The following ITPR2 variants were observed in gnomAD, a reference collection of about 807,000 sequenced individuals.
ITPR2 encodes the protein inositol 1,4,5-trisphosphate receptor type 2.
ITPR2 carries 207 observed loss-of-function variants against 317.1 expected under a neutral mutation model. The ratio of observed to expected loss-of-function variants is 0.65; its 90% confidence interval spans 0.58 to 0.73. The LOEUF is 0.73. Ranked by LOEUF, ITPR2 falls within the 30% of genes least tolerant of loss-of-function variation. The pLI, the probability that ITPR2 is intolerant of heterozygous loss-of-function variation, is 0.00. For missense variants in ITPR2, 2,613 were observed against 3,284.0 expected (o/e 0.80, Z 4.99); for synonymous variants, 1,156 against 1,149.1 (o/e 1.01, Z -0.12).
chr12:26,372,959 G>A (rs189982463), intron 55 of ITPR2, among the ~76,000 whole-genome samples: 13 of 152,184 alleles, frequency 8.5e-5, no homozygotes, highest in African/African-American at 2.4e-4. Context: ...CCATGTCTTC[G>A]AAGAAAATTC....
In ITPR2 at chr12:26,628,049, G is replaced by A; in HGVS notation, c.3048C>T (p.Asp1016=). The change falls in exon 23 of 57, where the codon GAC becomes GAT. Residue 1016 remains aspartate, a synonymous_variant. Transcript: ENST00000381340. ...AAAAGATACCTGATGGTAGTAAAGT[G>A]TCTGGAGATCCACTGGCAGATGTCT... ...NAETSASGSP[D]TLLPSAIVPD... 6.2e-7 allele frequency: 1 copy of A among 1,611,614 alleles called. No homozygotes were observed. Among genetic ancestry groups the A allele is most frequent in the Non-Finnish European group, 8.5e-7 (1 of 1,179,318 alleles).
At chr12:26,527,755 A>G (rs542889096) in intron 37 of ITPR2, among the ~76,000 whole-genome samples, 1 of 152,346 alleles carries the variant, frequency 6.6e-6, no homozygotes, top group African/African-American at 2.4e-5. Context: ...GGAGTCCTAC[A>G]ATATCTCCCA....
intron 55 of ITPR2, among the ~76,000 whole-genome samples, chr12:26,378,268 G>A (rs1939403888): frequency 6.6e-6 from 1 of 152,032 alleles, no homozygotes. Context: ...TGTCAGGGAA[G>A]GCACAGACAT....
intron 37 of ITPR2, among the ~76,000 whole-genome samples, chr12:26,496,976 C>T (rs1410896378): frequency 6.6e-6 from 1 of 151,256 alleles, no homozygotes; most frequent in East Asian, 2.0e-4. Flanking sequence ...CACCCATTTT[C>T]ATCATTTAAG....
At chr12:26,657,560 A>G in intron 18 of ITPR2, 147 bp downstream of exon 18, 1 of 628,172 alleles carries the variant, frequency 1.6e-6, no homozygotes, top group East Asian at 2.6e-5. Flanking sequence ...AATATTTTAA[A>G]CAATACTAAA....
intron 45 of ITPR2, among the ~76,000 whole-genome samples, chr12:26,458,910 T>A (rs1039595706): frequency 6.6e-6 from 1 of 152,206 alleles, no homozygotes; most frequent in African/African-American, 2.4e-5. Context: ...CCGACCCCAC[T>A]GACATTTAAT....
chr12:26,528,427 G>A (rs370020073), intron 37 of ITPR2, among the ~76,000 whole-genome samples: 24 of 152,296 alleles, frequency 1.6e-4, no homozygotes, highest in Middle Eastern at 3.4e-3. Context: ...ATCCTATCAT[G>A]TCCTCTTCCA....
At chr12:26,744,337 G>A (rs1949284475) in intron 2 of ITPR2, among the ~76,000 whole-genome samples, 1 of 152,150 alleles carries the variant, frequency 6.6e-6, no homozygotes, top group Non-Finnish European at 1.5e-5. Flanking sequence ...ACTTATCTAG[G>A]ACACTTCCAC....
At chr12:26,506,520 C>CAA (rs11362827) in intron 37 of ITPR2, among the ~76,000 whole-genome samples, 11 of 87,466 alleles carry the variant, frequency 1.3e-4, no homozygotes, top group African/African-American at 2.2e-4. Flanking sequence ...AATCCTGTCT[C>CAA]AAAAAAAAAA....
chr12:26,592,655 C>T (rs1264402765), intron 32 of ITPR2, among the ~76,000 whole-genome samples: 1 of 152,224 alleles, frequency 6.6e-6, no homozygotes, highest in Non-Finnish European at 1.5e-5. Context: ...CTACTAGTCT[C>T]TTCCAACCCT....
intron 2 of ITPR2, among the ~76,000 whole-genome samples, chr12:26,768,438 A>AT (rs1949769343): frequency 8.7e-6 from 1 of 114,448 alleles, no homozygotes; most frequent in East Asian, 2.1e-4. Flanking sequence ...AAAAAAATAA[A>AT]AAATAAAAAA....
chr12:26,489,597 A>C (rs1942751802), intron 39 of ITPR2, among the ~76,000 whole-genome samples: 1 of 152,228 alleles, frequency 6.6e-6, no homozygotes, highest in Non-Finnish European at 1.5e-5. Flanking sequence ...AAGTTAATAC[A>C]TACAAATCAC....
intron 55 of ITPR2, among the ~76,000 whole-genome samples, chr12:26,350,581 G>T (rs1282601603): frequency 6.6e-6 from 1 of 152,024 alleles, no homozygotes. Context: ...AGTGACTTGG[G>T]AAAACAGGTG....
At chr12:26,505,064 G>A (rs1333150443) in intron 37 of ITPR2, among the ~76,000 whole-genome samples, 1 of 152,074 alleles carries the variant, frequency 6.6e-6, no homozygotes, top group Non-Finnish European at 1.5e-5. Context: ...TACAGGTAAT[G>A]TTCTCATTCT....
At chr12:26,684,196 G>C (rs887435613) in intron 11 of ITPR2, among the ~76,000 whole-genome samples, 3 of 152,240 alleles carry the variant, frequency 2.0e-5, no homozygotes, top group African/African-American at 7.2e-5. Context: ...TTTGTACTCA[G>C]TTGTCATCAG....
rs757432129 is a variant in ITPR2 at position 26,481,156 on chromosome 12, C to T, written c.6098G>A (p.Arg2033Gln). The change falls in exon 43 of 57, where the codon CGA (arginine) becomes CAA (glutamine). Residue 2033 changes from arginine to glutamine, a missense_variant. Transcript: ENST00000381340. ...CTTTAGCTGGAGCACCAGGTCCATT[C>T]GGTATTTACCAAGAGGGTTTATGTC... ...LNDINPLGKY[R>Q]MDLVLQLKNN... The T allele has an allele frequency of 4.3e-6, 7 of 1,611,136 alleles. No individual in the cohort carries two copies. The highest frequency in any genetic ancestry group is 1.7e-5 in the Admixed American group (1 of 59,998).
chr12:26,768,491 AAAAAG>A (rs1236538198), intron 2 of ITPR2, among the ~76,000 whole-genome samples: 11 of 146,912 alleles, frequency 7.5e-5, no homozygotes, highest in African/African-American at 2.8e-4. Flanking sequence ...TCAAAAAAAA[AAAAAG>A]AAAATTGAAA....
chr12:26,409,353 G>C (rs1164251981), intron 52 of ITPR2, among the ~76,000 whole-genome samples: 2 of 152,228 alleles, frequency 1.3e-5, no homozygotes, highest in Non-Finnish European at 2.9e-5. Flanking sequence ...AAAAAAGATA[G>C]AGCAACATGG....
At chr12:26,818,384 T>A (rs1950892904) in intron 1 of ITPR2, among the ~76,000 whole-genome samples, 1 of 152,200 alleles carries the variant, frequency 6.6e-6, no homozygotes, top group Non-Finnish European at 1.5e-5. Context: ...CACTGAGACT[T>A]TTTGAAAGGA....
Sources: allele counts gnomAD v4.1 joint callset (sites outside exome capture counted in the v4.1 genomes callset), GRCh38; gene constraint gnomAD v4.1.1; transcripts MANE v1.5; gene names NCBI Gene and HGNC (gene_info 2026-07-23, HGNC 2026-07-21).